GRSF1: variants seen among roughly 807,000 people sequenced by gnomAD.
GRSF1 encodes G-rich RNA sequence binding factor 1, also known as G-rich sequence factor 1.
Under a neutral mutation model 51.1 loss-of-function variants are expected in GRSF1, and 50 were observed. The ratio of observed to expected loss-of-function variants is 0.98; its 90% CI spans 0.78 to 1.24. The LOEUF (loss-of-function observed/expected upper bound fraction) is 1.24. GRSF1 is among the 50% of genes most tolerant of loss of function. The pLI, the probability that GRSF1 is intolerant of heterozygous loss-of-function variation, is 0.00. For missense variants in GRSF1, 700 were observed against 639.7 expected (o/e 1.09, Z -1.02); for synonymous variants, 293 against 253.3 (o/e 1.16, Z -1.49).
chr4:70,823,449 T>C (rs1452146000), intron 9 of GRSF1, among the ~76,000 whole-genome samples: 1 of 146,252 alleles, frequency 6.8e-6, no homozygotes, highest in Non-Finnish European at 1.5e-5. Flanking sequence ...TGAAAAAATA[T>C]CATAATTAAT....
intron 6 of GRSF1, 61 bp from the exon 7 acceptor site, chr4:70,826,306 T>C: frequency 7.2e-7 from 1 of 1,390,724 alleles, no homozygotes; most frequent in Non-Finnish European, 9.8e-7. Context: ...ATTAACAGAT[T>C]CTAATTAGGT....
intron 1 of GRSF1, chr4:70,839,050 G>C: frequency 9.4e-7 from 1 of 1,061,600 alleles, no homozygotes; most frequent in South Asian, 1.4e-5. Flanking sequence ...GGGCCGCCCA[G>C]GCCTAGCGCT....
upstream of GRSF1, chr4:70,840,035 T>A (rs1338901154): frequency 6.2e-6 from 3 of 485,994 alleles, no homozygotes; most frequent in Non-Finnish European, 1.1e-5. Flanking sequence ...GCCCATGGTT[T>A]GGGCGGGGCT....
Position 70,817,975 on chromosome 4 carries a change from C to T in GRSF1, c.*2912G>A, listed in dbSNP as rs1733373599. 1 of 152,208 alleles carries T rather than the reference C, an allele frequency of 6.6e-6. No individual in the cohort carries two copies. Among genetic ancestry groups the T allele is most frequent in the South Asian group, 2.1e-4 (1 of 4,836 alleles). 9.4% of individuals were successfully genotyped at this position (152,208 alleles called of 1,614,324 possible). Reference sequence around the variant, plus strand: ...ATTCTCCTCTATACTATAGGTCCTACCAATTCAATGTGAGTGTCTTCCGAT... The same window carrying T: ...ATTCTCCTCTATACTATAGGTCCTATCAATTCAATGTGAGTGTCTTCCGAT... On this transcript the variant is annotated 3_prime_UTR_variant, in exon 10 of 10. Transcript: ENST00000254799.
intron 4 of GRSF1, 148 bp downstream of exon 4, chr4:70,832,159 A>G (rs1734003634): frequency 6.1e-6 from 3 of 492,520 alleles, no homozygotes; most frequent in African/African-American, 3.9e-5. Context: ...AAATCTATAA[A>G]TATTAGAAAT....
At chr4:70,833,609 A>C (rs1302431234) in intron 2 of GRSF1, among the ~76,000 whole-genome samples, 1 of 152,232 alleles carries the variant, frequency 6.6e-6, no homozygotes, top group Non-Finnish European at 1.5e-5. Flanking sequence ...AAATTTATAC[A>C]TAAGTGTCTT....
intron 8 of GRSF1, among the ~76,000 whole-genome samples, chr4:70,824,790 A>G (rs1216254771): frequency 2.0e-5 from 3 of 152,126 alleles, no homozygotes; most frequent in African/African-American, 7.2e-5. Flanking sequence ...TCAAACAACC[A>G]CAAACAAACA....
rs1309639899 is a variant in GRSF1, at chr4:70,838,328, A to G, written c.357+1143T>C. Among the ~76,000 whole-genome samples the G allele has an allele frequency of 5.5e-5, 8 of 144,236 alleles. No homozygotes were observed. The South Asian group carries it at 9.1e-4, about 16-fold the overall frequency. 94.6% of individuals were successfully genotyped at this position (144,236 alleles called of 152,430 possible). A position where few individuals can be genotyped will look rare whatever the true frequency, so the allele number is the denominator to read the frequency against. On this transcript the variant is annotated intron_variant, in intron 1 of 9. Transcript: ENST00000254799. ...GATATCACCGCAGTCAATTTCATAGAAAAAAAAAGAGAGAAGCTAGCTCAC... is the reference window on the plus strand; with the variant it reads ...GATATCACCGCAGTCAATTTCATAGGAAAAAAAAGAGAGAAGCTAGCTCAC...
intron 1 of GRSF1, chr4:70,839,020 G>C: frequency 1.5e-6 from 1 of 663,768 alleles, no homozygotes; most frequent in South Asian, 1.7e-5. Flanking sequence ...TCCCAGCAGC[G>C]GCCGACCGAG....
intron 9 of GRSF1, among the ~76,000 whole-genome samples, chr4:70,822,723 GC>G (rs572694522): frequency 8.9e-4 from 135 of 152,172 alleles, no homozygotes; most frequent in African/African-American, 3.2e-3. Flanking sequence ...CTATTTTTTG[GC>G]AAACAGCATG....
intron 4 of GRSF1, among the ~76,000 whole-genome samples, chr4:70,832,065 C>T (rs1247170974): frequency 6.6e-6 from 1 of 152,068 alleles, no homozygotes; most frequent in Admixed American, 6.6e-5. Flanking sequence ...GAAGTTATTT[C>T]CTTCAATAGT....
intron 5 of GRSF1, 76 bp from the exon 6 acceptor site, chr4:70,828,112 T>G: frequency 9.9e-7 from 1 of 1,005,692 alleles, no homozygotes; most frequent in Non-Finnish European, 1.5e-6. Flanking sequence ...AATAAACATG[T>G]ATACATTATA....
chr4:70,821,790 C>T (rs1308425755), intron 9 of GRSF1, among the ~76,000 whole-genome samples: 1 of 151,680 alleles, frequency 6.6e-6, no homozygotes, highest in Non-Finnish European at 1.5e-5. Flanking sequence ...ATTCTCCTGC[C>T]TCAGCCTTCC....
rs781429860 is a variant in GRSF1 at position 70,818,599 on chromosome 4, T to TAGATGAGACCACAATATTC, written c.*2269_*2287dup. On this transcript the variant is annotated 3_prime_UTR_variant, in exon 10 of 10. Coordinates refer to ENST00000254799, the MANE Select transcript of GRSF1 (RefSeq NM_002092.4). ...TGCTTCATTGCCTGGTGTCAATATT[T>TAGATGAGACCACAATATTC]AGATGAGACCACAATATTCAGATGA... 2 of 152,318 alleles carry TAGATGAGACCACAATATTC rather than the reference T, an allele frequency of 1.3e-5. No homozygotes were observed. Among genetic ancestry groups the TAGATGAGACCACAATATTC allele is most frequent in the Middle Eastern group, 3.4e-3 (1 of 294 alleles). The allele number at this position is 152,318 out of a possible 1,614,324, so 9.4% of individuals were successfully genotyped here.
chr4:70,828,217 A>G (rs1481575109), intron 5 of GRSF1, among the ~76,000 whole-genome samples, 181 bp from the exon 6 acceptor site: 1 of 152,228 alleles, frequency 6.6e-6, no homozygotes, highest in Non-Finnish European at 1.5e-5. Context: ...TATACAACAG[A>G]GTAGGTCACT....
rs534046007 is a variant in GRSF1, at chr4:70,831,479, C to T, written c.950+60G>A. ...ATAACTTTTCAGTCATATTACAGCA[C>T]ATTCATCAAAATGACTTAATGTGTA... is the stretch of plus-strand genomic sequence containing the variant. On this transcript the variant is annotated intron_variant, in intron 5 of 9. Coordinates refer to ENST00000254799, the MANE Select transcript of GRSF1 (RefSeq NM_002092.4). 4.1e-5 allele frequency: 60 copies of T among 1,449,912 alleles called. No homozygotes were observed. The East Asian group carries it at 1.4e-3, about 33-fold the overall frequency. 89.8% of individuals were successfully genotyped at this position (1,449,912 alleles called of 1,614,324 possible). A position where few individuals can be genotyped will look rare whatever the true frequency, so the allele number is the denominator to read the frequency against.
Position 70,818,472 on chromosome 4 carries a change from T to C in GRSF1, c.*2415A>G, listed in dbSNP as rs1039667697. ...CTTCCCCCTTCAAGTAACACAGAAG[T>C]AGTGAGAATTTGGAGCCTTCCTCCC... is the stretch of plus-strand genomic sequence containing the variant. On this transcript the variant is annotated 3_prime_UTR_variant, in exon 10 of 10. Transcript: ENST00000254799. 1 of 152,124 alleles carries C rather than the reference T, an allele frequency of 6.6e-6. No homozygotes were observed. The highest frequency in any genetic ancestry group is 1.5e-5 in the Non-Finnish European group (1 of 68,012). The allele number at this position is 152,124 out of a possible 1,614,324, so 9.4% of individuals were successfully genotyped here.
Position 70,831,595 on chromosome 4 carries a change from T to C in GRSF1, c.894A>G (p.Glu298=), listed in dbSNP as rs1263181719. Reference sequence around the variant, plus strand: ...GGGCTTGGTTGGCCATTTCTGGTTCTTCAAATTGCACATAGGCTTCCCCTG... The same window carrying C: ...GGGCTTGGTTGGCCATTTCTGGTTCCTCAAATTGCACATAGGCTTCCCCTG... ...RKTGEAYVQF[E]EPEMANQALL... is the part of the protein sequence containing the mutation. Residue 298 remains glutamate, a synonymous_variant, in exon 5 of 10, where the codon GAA becomes GAG. Coordinates refer to ENST00000254799, the MANE Select transcript of GRSF1 (RefSeq NM_002092.4). 1.2e-6 allele frequency: 2 copies of C among 1,613,802 alleles called. No homozygotes were observed. The highest frequency in any genetic ancestry group is 1.7e-6 in the Non-Finnish European group (2 of 1,179,716).
intron 3 of GRSF1, among the ~76,000 whole-genome samples, 184 bp downstream of exon 3, chr4:70,832,934 T>C (rs1734043943): frequency 6.6e-6 from 1 of 152,092 alleles, no homozygotes; most frequent in African/African-American, 2.4e-5. Flanking sequence ...GGTGACAGAG[T>C]GAGATTCCAT....
Sources: allele counts gnomAD v4.1 joint callset (sites outside exome capture counted in the v4.1 genomes callset), GRCh38; gene constraint gnomAD v4.1.1; transcripts MANE v1.5; gene names NCBI Gene and HGNC (gene_info 2026-07-23, HGNC 2026-07-21).